PPIL6: variants seen among roughly 807,000 people sequenced by gnomAD.
PPIL6 encodes peptidylprolyl isomerase like 6, also known as probable inactive peptidyl-prolyl cis-trans isomerase-like 6.
PPIL6 carries 39 observed loss-of-function variants against 36.8 expected under a neutral mutation model. The observed-to-expected ratio is 1.06, with a 90% confidence interval of 0.82 to 1.38. PPIL6 has a LOEUF of 1.38. PPIL6 is among the 40% of genes most tolerant of loss of function. The pLI is 0.00. For synonymous variants in PPIL6, 123 were observed against 134.1 expected (o/e 0.92, Z 0.57); for missense variants, 368 against 379.1 (o/e 0.97, Z 0.24).
intron 1 of PPIL6, among the ~76,000 whole-genome samples, 166 bp from the exon 2 acceptor site, chr6:109,436,365 C>A (rs1287926133): frequency 4.6e-5 from 7 of 152,152 alleles, no homozygotes; most frequent in Admixed American, 4.6e-4. Flanking sequence ...CTTGTGTTCA[C>A]CTCCAAGTTG....
chr6:109,440,048 G>A (rs777570356), intron 1 of PPIL6: 8 of 274,016 alleles, frequency 2.9e-5, no homozygotes, highest in African/African-American at 1.2e-4. Flanking sequence ...TTGGGCCGAG[G>A]TGGCGGGGTT....
upstream of PPIL6, chr6:109,440,898 G>A: frequency 1.8e-6 from 1 of 555,994 alleles, no homozygotes; most frequent in South Asian, 2.3e-5. Flanking sequence ...GCAGCGGATC[G>A]CCTTTCCGGG....
intron 7 of PPIL6, among the ~76,000 whole-genome samples, chr6:109,394,324 G>A (rs1378832664): frequency 7.3e-6 from 1 of 136,268 alleles, no homozygotes; most frequent in East Asian, 2.4e-4. Flanking sequence ...AGTGAGCTGA[G>A]TTTGCACCAC....
rs1269141429 is a variant in PPIL6 at position 109,419,262 on chromosome 6, T to A, written c.632-19A>T. 3.4e-6 allele frequency: 5 copies of A among 1,462,642 alleles called. No homozygotes were observed. The allele number at this position is 1,462,642 out of a possible 1,614,324, so 90.6% of individuals were successfully genotyped here. A position where few individuals can be genotyped will look rare whatever the true frequency, so the allele number is the denominator to read the frequency against. ...ACTATATCTGAGAAATAGCAACAAA[T>A]AAACATTAGAATTTTGAGATGAAAA... is the stretch of plus-strand genomic sequence containing the variant. On this transcript the variant is annotated intron_variant, in intron 5 of 7. Coordinates refer to ENST00000521072, the MANE Select transcript of PPIL6 (RefSeq NM_173672.5).
At chr6:109,405,057 A>G in intron 6 of PPIL6, 1 of 385,222 alleles carries the variant, frequency 2.6e-6, no homozygotes, top group Non-Finnish European at 5.0e-6. Context: ...GTCTCAAAAA[A>G]GGAAAAAAAA....
rs1773103868 is a variant in PPIL6 at position 109,413,426 on chromosome 6, T to C, written c.688+5761A>G. Among the ~76,000 whole-genome samples the C allele has an allele frequency of 2.0e-5, 3 of 152,146 alleles. No homozygotes were observed. The highest frequency in any genetic ancestry group is 7.2e-5 in the African/African-American group (3 of 41,442). On this transcript the variant is annotated intron_variant, in intron 6 of 7. Transcript: ENST00000521072. This position sits in a 1 kb window ranked among gnomAD's most constrained non-coding sequence, Gnocchi z 4.6. The stretch of plus-strand genomic sequence containing the variant: ...ACTACAACGAGATATCTCACTCCAG[T>C]TAAAATGGCTTTTATCCAAAAGACA...
At chr6:109,420,332 C>CAAAAAAAAAAAAAAAAAAAAA (rs564751735) in intron 5 of PPIL6, among the ~76,000 whole-genome samples, 3 of 50,958 alleles carry the variant, frequency 5.9e-5, no homozygotes, top group Non-Finnish European at 7.8e-5. Context: ...GACTCCATCT[C>CAAAAAAAAAAAAAAAAAAAAA]AAAAAAAAAA....
At chr6:109,395,612 T>C (rs1161589420) in intron 7 of PPIL6, among the ~76,000 whole-genome samples, 3 of 148,990 alleles carry the variant, frequency 2.0e-5, no homozygotes, top group East Asian at 2.0e-4. Flanking sequence ...AACTTCTTTT[T>C]TTTTTTTTTT....
intron 1 of PPIL6, chr6:109,440,173 G>A: frequency 2.0e-6 from 1 of 511,430 alleles, no homozygotes; most frequent in Non-Finnish European, 3.7e-6. Context: ...TGTCTCGGAG[G>A]GGATTACCTT....
At position 109,391,555 on chromosome 6, in the gene PPIL6, TG is replaced by T. The variant is rs1772101346; in HGVS notation, c.*1270del. 1 of 152,156 alleles carries T rather than the reference TG, an allele frequency of 6.6e-6. No individual in the cohort carries two copies. Among genetic ancestry groups the T allele is most frequent in the Non-Finnish European group, 1.5e-5 (1 of 68,096 alleles). 9.4% of individuals were successfully genotyped at this position (152,156 alleles called of 1,614,324 possible). On this transcript the variant is annotated 3_prime_UTR_variant, in exon 8 of 8. Transcript: ENST00000521072. ...ATCTGTGCCCCACGCCTGGGAACCC[TG>T]GGGAAAGAACCAAATGAACACAGAA...
chr6:109,398,796 A>G (rs538791808), intron 7 of PPIL6, among the ~76,000 whole-genome samples: 3 of 152,238 alleles, frequency 2.0e-5, no homozygotes, highest in East Asian at 1.9e-4. Flanking sequence ...ACATATTAGT[A>G]TATTATTAAG....
intron 7 of PPIL6, 63 bp from the exon 8 acceptor site, chr6:109,393,000 T>C (rs1161592186): frequency 1.1e-6 from 1 of 904,518 alleles, no homozygotes; most frequent in African/African-American, 1.7e-5. Context: ...AGCTTAACAT[T>C]CCGAAATGGG....
chr6:109,397,441 A>G (rs893563250), intron 7 of PPIL6, among the ~76,000 whole-genome samples: 2 of 152,162 alleles, frequency 1.3e-5, no homozygotes, highest in Non-Finnish European at 2.9e-5. Flanking sequence ...CACAGTTTGC[A>G]TGGCCCATGT....
chr6:109,431,450 C>T (rs991030021), intron 2 of PPIL6, 105 bp from the exon 3 acceptor site: 12 of 695,522 alleles, frequency 1.7e-5, no homozygotes, highest in African/African-American at 1.3e-4. Context: ...CTGAATTTGT[C>T]AACTCTAGTA....
intron 1 of PPIL6, among the ~76,000 whole-genome samples, chr6:109,436,867 T>C (rs745434104): frequency 1.3e-5 from 2 of 152,248 alleles, no homozygotes; most frequent in Non-Finnish European, 1.5e-5. Flanking sequence ...CTTTGTGATA[T>C]GCTATGTTCT....
Position 109,401,811 on chromosome 6 carries a change from G to A in PPIL6, c.689-1641C>T, listed in dbSNP as rs1235797739. 7.7e-5 allele frequency among the ~76,000 whole-genome samples: 8 copies of A among 104,130 alleles called. No individual in the cohort carries two copies. In the East Asian group the frequency reaches 8.7e-4, roughly 11 times the overall value. 68.3% of individuals were successfully genotyped at this position (104,130 alleles called of 152,430 possible). A position where few individuals can be genotyped will look rare whatever the true frequency, so the allele number is the denominator to read the frequency against. Reference sequence around the variant, plus strand: ...GCGGTCTTGGTTCACTGCAAGCTGCGCCTCGGGTTCATGCCATTCTCCTGC... The same window carrying A: ...GCGGTCTTGGTTCACTGCAAGCTGCACCTCGGGTTCATGCCATTCTCCTGC... On this transcript the variant is annotated intron_variant, in intron 6 of 7. Transcript: ENST00000521072.
chr6:109,431,741 C>G (rs1774169621), intron 2 of PPIL6, among the ~76,000 whole-genome samples: 1 of 152,200 alleles, frequency 6.6e-6, no homozygotes, highest in Non-Finnish European at 1.5e-5. Flanking sequence ...TGACACCAAA[C>G]AGCCATAAAA....
chr6:109,425,010 C>G (rs1222510045), intron 5 of PPIL6, among the ~76,000 whole-genome samples: 1 of 152,184 alleles, frequency 6.6e-6, no homozygotes, highest in Non-Finnish European at 1.5e-5. Context: ...GCCCTGAATT[C>G]TTTCTTGTGA....
intron 6 of PPIL6, among the ~76,000 whole-genome samples, chr6:109,401,586 G>A (rs753126439): frequency 4.6e-5 from 7 of 152,180 alleles, no homozygotes; most frequent in Non-Finnish European, 1.0e-4. Flanking sequence ...AAATGCTGAT[G>A]AGGCATGTTT....
Sources: allele counts gnomAD v4.1 joint callset (sites outside exome capture counted in the v4.1 genomes callset), GRCh38; gene constraint gnomAD v4.1.1; non-coding constraint Gnocchi (gnomAD v3.1); transcripts MANE v1.5; gene names NCBI Gene and HGNC (gene_info 2026-07-23, HGNC 2026-07-21).